EGFLAM: variants seen among roughly 807,000 people sequenced by gnomAD.
EGFLAM encodes the protein EGF like, fibronectin type III and laminin G domains.
A neutral mutation model predicts 113.1 loss-of-function variants in EGFLAM; 79 were observed. The observed-to-expected ratio is 0.70, with a 90% CI of 0.58 to 0.84. The LOEUF (loss-of-function observed/expected upper bound fraction) is 0.84, where lower values mean the gene tolerates loss of function less well. EGFLAM is among the 40% of genes least tolerant of loss of function. The pLI is 0.00. For synonymous variants in EGFLAM, 504 were observed against 487.6 expected (o/e 1.03, Z -0.44); for missense variants, 1,265 against 1,291.6 (o/e 0.98, Z 0.32).
intron 15 of EGFLAM, 79 bp downstream of exon 15, chr5:38,431,367 G>T: frequency 7.0e-7 from 1 of 1,432,572 alleles, no homozygotes; most frequent in African/African-American, 1.4e-5. Context: ...TAGAAAAGCA[G>T]CAGAGTGTTC....
In EGFLAM at chr5:38,412,486, C is replaced by T. The variant is rs1252046995; in HGVS notation, c.1350-18C>T. On this transcript the variant is annotated intron_variant, in intron 10 of 21. Coordinates refer to ENST00000322350, the MANE Select transcript of EGFLAM (RefSeq NM_152403.4). ...CTGGTTCGTCAAGAAATCTTCTTTT[C>T]CTTTTCCTCCCCAACAGGTTTAATT... 1.9e-6 allele frequency: 3 copies of T among 1,614,002 alleles called. No individual in the cohort carries two copies. Among genetic ancestry groups the T allele is most frequent in the African/African-American group, 2.7e-5 (2 of 75,004 alleles).
At chr5:38,390,675 T>C (rs1740785423) in intron 6 of EGFLAM, among the ~76,000 whole-genome samples, 1 of 152,212 alleles carries the variant, frequency 6.6e-6, no homozygotes, top group South Asian at 2.1e-4. Flanking sequence ...GACTTTGAAA[T>C]ACCAATCTGA....
At chr5:38,405,194 A>T (rs1165116424) in intron 6 of EGFLAM, among the ~76,000 whole-genome samples, 3 of 152,154 alleles carry the variant, frequency 2.0e-5, no homozygotes, top group Admixed American at 2.0e-4. Flanking sequence ...ATGTATATAT[A>T]CAACATATAA....
chr5:38,386,952 G>A (rs190518501), intron 6 of EGFLAM, among the ~76,000 whole-genome samples: 34 of 152,216 alleles, frequency 2.2e-4, no homozygotes, highest in African/African-American at 7.5e-4. Flanking sequence ...TCTGCAGCAC[G>A]GAGGAGGGGT....
intron 3 of EGFLAM, among the ~76,000 whole-genome samples, chr5:38,339,875 A>G (rs1483716352): frequency 2.0e-5 from 3 of 152,154 alleles, no homozygotes; most frequent in Non-Finnish European, 4.4e-5. Context: ...GGCACCCAGC[A>G]TTGGCCGCAG....
intron 6 of EGFLAM, chr5:38,401,717 G>C (rs890556868): frequency 6.6e-6 from 1 of 152,200 alleles, no homozygotes; most frequent in Non-Finnish European, 1.5e-5. Context: ...GAAGGGAAAG[G>C]ATATGAAGAA....
intron 12 of EGFLAM, among the ~76,000 whole-genome samples, chr5:38,424,422 T>G (rs1009317839): frequency 2.0e-5 from 3 of 152,194 alleles, no homozygotes; most frequent in African/African-American, 7.2e-5. Context: ...CCTCCCTCCC[T>G]GCTCCCTACC....
chr5:38,437,468 C>T (rs1047251617), intron 16 of EGFLAM, among the ~76,000 whole-genome samples: 10 of 152,164 alleles, frequency 6.6e-5, no homozygotes, highest in African/African-American at 2.2e-4. Context: ...CTTCCGCCTC[C>T]GTAACACTGT....
At chr5:38,357,027 C>T (rs1417123639) in intron 5 of EGFLAM, among the ~76,000 whole-genome samples, 1 of 152,230 alleles carries the variant, frequency 6.6e-6, no homozygotes, top group East Asian at 1.9e-4. Flanking sequence ...TCTCTCACCC[C>T]TTTCACCATG....
intron 19 of EGFLAM, among the ~76,000 whole-genome samples, chr5:38,457,944 TG>T (rs1267166954): frequency 6.8e-6 from 1 of 146,792 alleles, no homozygotes; most frequent in Non-Finnish European, 1.5e-5. Flanking sequence ...TGTCAGGGGC[TG>T]GGGGGAGGGA....
intron 1 of EGFLAM, among the ~76,000 whole-genome samples, chr5:38,273,637 C>G (rs1334542962): frequency 6.6e-6 from 1 of 152,206 alleles, no homozygotes; most frequent in African/African-American, 2.4e-5. Flanking sequence ...TAGAGGGCCC[C>G]CACGCACTGC....
At chr5:38,351,094 G>A (rs1287241934) in intron 4 of EGFLAM, among the ~76,000 whole-genome samples, 3 of 151,514 alleles carry the variant, frequency 2.0e-5, no homozygotes, top group South Asian at 4.2e-4. Context: ...TGACAAATGA[G>A]TGACAGCAGC....
intron 6 of EGFLAM, among the ~76,000 whole-genome samples, chr5:38,399,084 A>C (rs1741035865): frequency 6.6e-6 from 1 of 152,122 alleles, no homozygotes; most frequent in African/African-American, 2.4e-5. Flanking sequence ...TGAGCTTGCA[A>C]ACTCCCTTCT....
At chr5:38,438,563 A>G (rs1458940312) in intron 17 of EGFLAM, 108 bp downstream of exon 17, 4 of 1,086,984 alleles carry the variant, frequency 3.7e-6, no homozygotes, top group Non-Finnish European at 3.7e-6. Context: ...TGGTACAACC[A>G]TAGTGGTTAT....
In EGFLAM at chr5:38,438,269, C is replaced by G. The variant is rs2731975; in HGVS notation, c.2284-6C>G. 35,557 of 1,609,118 alleles carry G rather than the reference C, an allele frequency of 0.022. 6,597 individuals are homozygous for G. The African/African-American group carries it at 0.41, about 19-fold the overall frequency. The stretch of plus-strand genomic sequence containing the variant: ...CCTGAATTTCTTTATGTTTTTCTCT[C>G]TCAAGATCATCCTGAATGACCGAAC... On this transcript the variant is annotated splice_polypyrimidine_tract_variant and splice_region_variant and intron_variant, in intron 16 of 21. Coordinates refer to ENST00000322350, the MANE Select transcript of EGFLAM (RefSeq NM_152403.4).
chr5:38,268,638 A>G (rs1435388607), intron 1 of EGFLAM, among the ~76,000 whole-genome samples: 1 of 152,200 alleles, frequency 6.6e-6, no homozygotes, highest in Non-Finnish European at 1.5e-5. Flanking sequence ...TGGATATTTT[A>G]TACGTGGCAG....
intron 8 of EGFLAM, among the ~76,000 whole-genome samples, chr5:38,407,349 CTA>C (rs949751063): frequency 6.6e-6 from 1 of 152,222 alleles, no homozygotes; most frequent in Non-Finnish European, 1.5e-5. Context: ...AGCCCTATTT[CTA>C]TGTGTGCCAA....
rs370339180 is a variant in EGFLAM, at chr5:38,325,130, G to A, written c.98-12390G>A. Among the ~76,000 whole-genome samples, 319 of 152,164 alleles carry A rather than the reference G, an allele frequency of 2.1e-3. 1 individual carries two copies. The highest frequency in any genetic ancestry group is 0.012 in the South Asian group (60 of 4,808). On this transcript the variant is annotated intron_variant, in intron 1 of 21. Transcript: ENST00000322350. ...TGTGGCAATGACTGGCAGGGAAGAGGGTATAGTGGGAGCTGAGAACAGGGA... is the reference window on the plus strand; with the variant it reads ...TGTGGCAATGACTGGCAGGGAAGAGAGTATAGTGGGAGCTGAGAACAGGGA...
Position 38,424,972 on chromosome 5 carries a change from T to C in EGFLAM, c.1690T>C (p.Cys564Arg). The change falls in exon 13 of 22, where the codon TGC (cysteine) becomes CGC (arginine). Residue 564 changes from cysteine to arginine, a missense_variant. Cys to Arg is a radical substitution (Grantham distance 180, BLOSUM62 -3). Transcript: ENST00000322350. Reference sequence around the variant, plus strand: ...AATTCCCATTCTGTATTTAGGGGAATGCAGCAGTGGAATCTGTGATGAGGC... The same window carrying C: ...AATTCCCATTCTGTATTTAGGGGAACGCAGCAGTGGAATCTGTGATGAGGC... Reference protein sequence around the residue: ...KALSGADVGECSSGICDEASC... With the variant: ...KALSGADVGERSSGICDEASC... 1 of 1,613,822 alleles carries C rather than the reference T, an allele frequency of 6.2e-7. No homozygotes were observed. The highest frequency in any genetic ancestry group is 8.5e-7 in the Non-Finnish European group (1 of 1,179,808).
Sources: gnomAD v4.1 joint callset for allele counts (sites outside exome capture counted in the v4.1 genomes callset) on GRCh38, gnomAD v4.1.1 for gene constraint, MANE v1.5 for transcripts, NCBI Gene and HGNC (gene_info 2026-07-23, HGNC 2026-07-21) for gene names.